Variants in MCCC1 observed in about 807,000 individuals in gnomAD.
MCCC1 encodes methylcrotonoyl-CoA carboxylase subunit alpha, mitochondrial.
A neutral mutation model predicts 83.8 loss-of-function variants in MCCC1; 64 were observed. The observed-to-expected ratio is 0.76, with a 90% CI of 0.62 to 0.94. The LOEUF (loss-of-function observed/expected upper bound fraction) is 0.94. MCCC1 is among the 40% of genes least tolerant of loss of function. MCCC1 has a pLI of 0.00. For missense variants in MCCC1, 807 were observed against 904.7 expected (o/e 0.89, Z 1.39); for synonymous variants, 322 against 315.4 (o/e 1.02, Z -0.22).
intron 7 of MCCC1, among the ~76,000 whole-genome samples, chr3:183,060,525 T>C (rs1193697645): frequency 2.6e-5 from 4 of 152,190 alleles, no homozygotes; most frequent in Non-Finnish European, 5.9e-5. Context: ...ACGACTGAAA[T>C]CCTTTTCATT....
intron 4 of MCCC1, among the ~76,000 whole-genome samples, chr3:183,081,299 AC>A (rs1717477012): frequency 6.6e-6 from 1 of 152,160 alleles, no homozygotes; most frequent in African/African-American, 2.4e-5. Flanking sequence ...AGGATTGCAA[AC>A]CTGTTGAGAT....
chr3:183,103,441 G>A (rs891610730), upstream of MCCC1, among the ~76,000 whole-genome samples: 1 of 152,002 alleles, frequency 6.6e-6, no homozygotes, highest in Non-Finnish European at 1.5e-5. Flanking sequence ...GGTTCTCCAC[G>A]TCCCCAGCCT....
At chr3:183,024,041 G>A (rs370360896) in intron 15 of MCCC1, among the ~76,000 whole-genome samples, 8 of 152,184 alleles carry the variant, frequency 5.3e-5, no homozygotes, top group African/African-American at 1.9e-4. Flanking sequence ...ACCTGGGGTC[G>A]GGAGTTCGAG....
At chr3:183,099,145 C>T (rs1718960537) in intron 1 of MCCC1, 2 of 618,006 alleles carry the variant, frequency 3.2e-6, no homozygotes, top group Non-Finnish European at 5.7e-6. Context: ...CGTGGATGTG[C>T]GGAAGCGGGG....
chr3:183,045,220 C>T (rs1356561179), intron 10 of MCCC1, among the ~76,000 whole-genome samples, 193 bp downstream of exon 10: 1 of 151,866 alleles, frequency 6.6e-6, no homozygotes, highest in Admixed American at 6.6e-5. Context: ...CCGGGGACTA[C>T]AGGCACCCGG....
rs1560268841 is a variant in MCCC1, at chr3:183,082,014, G to T, written c.369+4679C>A. 2.6e-5 allele frequency among the ~76,000 whole-genome samples: 4 copies of T among 152,332 alleles called. No homozygotes were observed. The South Asian group carries it at 8.3e-4, about 32-fold the overall frequency. On this transcript the variant is annotated intron_variant, in intron 4 of 18. Coordinates refer to ENST00000265594, the MANE Select transcript of MCCC1 (RefSeq NM_020166.5). The stretch of plus-strand genomic sequence containing the variant: ...GCCAGAGCAGACAGCTAAGATAAAG[G>T]TGAACAGTATGAGAGACCTAGTCTA...
chr3:183,016,548 C>G (rs774183052), intron 18 of MCCC1, among the ~76,000 whole-genome samples: 23 of 152,286 alleles, frequency 1.5e-4, no homozygotes, highest in Non-Finnish European at 2.6e-4. Context: ...AGTATTGATC[C>G]TTGGGCTCTA....
intron 7 of MCCC1, among the ~76,000 whole-genome samples, chr3:183,065,902 C>T (rs1455379971): frequency 6.6e-6 from 1 of 152,132 alleles, no homozygotes; most frequent in Non-Finnish European, 1.5e-5. Context: ...AGAACCTCAC[C>T]TTATGGTCAA....
chr3:183,046,168 C>T (rs1366932509), intron 9 of MCCC1, among the ~76,000 whole-genome samples: 2 of 152,166 alleles, frequency 1.3e-5, no homozygotes, highest in Non-Finnish European at 2.9e-5. Flanking sequence ...ACATTTCCAT[C>T]ATCCAAAAAG....
intron 8 of MCCC1, among the ~76,000 whole-genome samples, chr3:183,052,637 T>C (rs1715069359): frequency 6.6e-6 from 1 of 150,778 alleles, no homozygotes; most frequent in South Asian, 2.1e-4. Flanking sequence ...TGAAACCCTG[T>C]CTCTACTAAA....
intron 9 of MCCC1, 142 bp downstream of exon 9, chr3:183,052,017 T>G: frequency 1.4e-6 from 1 of 723,346 alleles, no homozygotes. Context: ...ATACTAAGTC[T>G]CAATATAAAA....
intron 14 of MCCC1, among the ~76,000 whole-genome samples, chr3:183,031,923 C>A (rs1713115862): frequency 6.6e-6 from 1 of 152,008 alleles, no homozygotes; most frequent in Non-Finnish European, 1.5e-5. Context: ...CCCGCCTTGG[C>A]CTCCCAAAGT....
At position 183,074,668 on chromosome 3, in the gene MCCC1, C is replaced by T. The variant is rs142511845; in HGVS notation, c.370-2181G>A. ...CCAGATACAGATAAAATGCTGGATA[C>T]TCATATGTTGCAGCCAGTTTAGAGT... On this transcript the variant is annotated intron_variant, in intron 4 of 18. Coordinates refer to ENST00000265594, the MANE Select transcript of MCCC1 (RefSeq NM_020166.5). Among the ~76,000 whole-genome samples the T allele has an allele frequency of 4.6e-3, 703 of 152,268 alleles. 2 individuals carry two copies. The highest frequency in any genetic ancestry group is 0.016 in the African/African-American group (669 of 41,540).
chr3:183,044,906 T>TTTGTTC (rs1714416162), intron 10 of MCCC1, among the ~76,000 whole-genome samples: 1 of 150,632 alleles, frequency 6.6e-6, no homozygotes, highest in South Asian at 2.1e-4. Flanking sequence ...TCAAGACTGT[T>TTTGTTC]TTGTTGTTGT....
rs1252929739 is a variant in MCCC1, at chr3:183,099,299, C to T, written c.89+53G>A. On this transcript the variant is annotated intron_variant, in intron 1 of 18. Coordinates refer to ENST00000265594, the MANE Select transcript of MCCC1 (RefSeq NM_020166.5). Reference sequence around the variant, plus strand: ...GCACCTCCCACCGCTCACGCGGGTCCGTGCACCCCTCGCTCCCGCCTCTGC... The same window carrying T: ...GCACCTCCCACCGCTCACGCGGGTCTGTGCACCCCTCGCTCCCGCCTCTGC... The T allele has an allele frequency of 3.2e-6, 5 of 1,541,184 alleles. No homozygotes were observed. The African/African-American group carries it at 4.1e-5, about 13-fold the overall frequency.
chr3:183,093,593 A>G (rs1241543265), intron 2 of MCCC1, among the ~76,000 whole-genome samples: 1 of 152,216 alleles, frequency 6.6e-6, no homozygotes, highest in Non-Finnish European at 1.5e-5. Flanking sequence ...ATGTTCTTTG[A>G]CAGTTCATAA....
intron 17 of MCCC1, among the ~76,000 whole-genome samples, chr3:183,018,598 C>T (rs1711887813): frequency 6.6e-6 from 1 of 152,256 alleles, no homozygotes; most frequent in African/African-American, 2.4e-5. Context: ...CCTGTCCCCA[C>T]CCACAAAACC....
chr3:183,045,370 G>A (rs753097140), intron 10 of MCCC1, 43 bp downstream of exon 10: 11 of 1,609,364 alleles, frequency 6.8e-6, no homozygotes, highest in South Asian at 2.2e-5. Context: ...TTGAGCCACC[G>A]CACCCAGCCA....
chr3:183,067,247 G>T (rs1243809517), intron 7 of MCCC1, among the ~76,000 whole-genome samples: 1 of 152,184 alleles, frequency 6.6e-6, no homozygotes, highest in East Asian at 1.9e-4. Flanking sequence ...AGACTCAGGA[G>T]CCCCAAGTTA....
Sources: gnomAD v4.1 joint callset for allele counts (sites outside exome capture counted in the v4.1 genomes callset) on GRCh38, gnomAD v4.1.1 for gene constraint, MANE v1.5 for transcripts, NCBI Gene and HGNC (gene_info 2026-07-23, HGNC 2026-07-21) for gene names.